The following TGFBR3 variants were observed in gnomAD, a reference collection of about 807,000 sequenced individuals.
The protein encoded by TGFBR3 is transforming growth factor beta receptor 3, also known as transforming growth factor beta receptor type 3.
Under a neutral mutation model 87.9 loss-of-function variants are expected in TGFBR3, and 46 were observed. The ratio of observed to expected loss-of-function variants is 0.52; its 90% CI spans 0.41 to 0.67. TGFBR3 has a LOEUF of 0.67. TGFBR3 is among the 30% of genes least tolerant of loss of function. The pLI is 0.00. For missense variants in TGFBR3, 866 were observed against 1,041.9 expected (o/e 0.83, Z 2.32); for synonymous variants, 381 against 391.6 (o/e 0.97, Z 0.32).
chr1:91,823,355 C>T (rs1056921358), intron 2 of TGFBR3, among the ~76,000 whole-genome samples: 2 of 152,120 alleles, frequency 1.3e-5, no homozygotes, highest in African/African-American at 4.8e-5. Context: ...TACAACTCAG[C>T]AATTACAGTC....
At chr1:91,840,002 A>T (rs1677207722) in intron 2 of TGFBR3, among the ~76,000 whole-genome samples, 1 of 152,056 alleles carries the variant, frequency 6.6e-6, no homozygotes, top group African/African-American at 2.4e-5. Flanking sequence ...TCTCAAAATA[A>T]AAAGTTTTTA....
intron 4 of TGFBR3, among the ~76,000 whole-genome samples, chr1:91,758,253 G>T (rs1302453572): frequency 1.3e-5 from 2 of 151,992 alleles, no homozygotes; most frequent in African/African-American, 4.8e-5. Flanking sequence ...TTCATTTTGT[G>T]GTCAGGGACC....
intron 16 of TGFBR3, among the ~76,000 whole-genome samples, chr1:91,684,947 C>T (rs573722893): frequency 5.3e-5 from 8 of 152,250 alleles, no homozygotes; most frequent in East Asian, 1.9e-4. Flanking sequence ...ATCTATCAGC[C>T]GGAGATAAGC....
Position 91,734,638 on chromosome 1 carries a change from G to A in TGFBR3, c.568+138C>T, listed in dbSNP as rs1021906600. 2.7e-6 allele frequency: 3 copies of A among 1,093,636 alleles called. No individual in the cohort carries two copies. In the African/African-American group the frequency reaches 4.7e-5, roughly 17 times the overall value. 67.7% of individuals were successfully genotyped at this position (1,093,636 alleles called of 1,614,324 possible). A position where few individuals can be genotyped will look rare whatever the true frequency, so the allele number is the denominator to read the frequency against. On this transcript the variant is annotated intron_variant, in intron 5 of 16. Coordinates refer to ENST00000212355, the MANE Select transcript of TGFBR3 (RefSeq NM_003243.5). ...TATGGGGGGCGGTGGAGAGGCCTGG[G>A]GCCAAATGACCCCTCAGGTCCCTTC... is the stretch of plus-strand genomic sequence containing the variant.
intron 4 of TGFBR3, among the ~76,000 whole-genome samples, chr1:91,757,325 T>C (rs1162058698): frequency 1.9e-4 from 29 of 152,244 alleles, no homozygotes; most frequent in Admixed American, 6.5e-5. Context: ...CTCTCATTTA[T>C]AGGCACACAG....
chr1:91,808,481 T>C (rs540206505), intron 2 of TGFBR3, among the ~76,000 whole-genome samples: 1 of 152,318 alleles, frequency 6.6e-6, no homozygotes, highest in South Asian at 2.1e-4. Flanking sequence ...TGTTTTGTTT[T>C]TGGAGACACA....
chr1:91,856,686 A>C (rs1415431090), intron 2 of TGFBR3, among the ~76,000 whole-genome samples: 1 of 152,210 alleles, frequency 6.6e-6, no homozygotes, highest in South Asian at 2.1e-4. Context: ...ACTTTGGTTA[A>C]GTCAGAATAT....
chr1:91,754,792 T>C (rs1197339820), intron 4 of TGFBR3, among the ~76,000 whole-genome samples: 2 of 152,194 alleles, frequency 1.3e-5, no homozygotes, highest in Non-Finnish European at 2.9e-5. Flanking sequence ...TTTTTTAATT[T>C]GGGCAGTCAT....
At chr1:91,713,191 C>G (rs913027645) in intron 12 of TGFBR3, among the ~76,000 whole-genome samples, 11 of 152,194 alleles carry the variant, frequency 7.2e-5, no homozygotes, top group African/African-American at 2.7e-4. Context: ...AAGTACTCCC[C>G]CTTCGCTCCA....
At chr1:91,703,201 C>G (rs4650271) in intron 14 of TGFBR3, among the ~76,000 whole-genome samples, 2 of 151,962 alleles carry the variant, frequency 1.3e-5, no homozygotes, top group South Asian at 4.1e-4. Context: ...GACCTCAGCT[C>G]GAGGACAAAA....
chr1:91,797,161 T>G, intron 3 of TGFBR3, 126 bp downstream of exon 3: 1 of 1,056,104 alleles, frequency 9.5e-7, no homozygotes, highest in Non-Finnish European at 1.5e-6. Context: ...ATTTTAAATC[T>G]GTTCTCTTAT....
rs1216988780 is a variant in TGFBR3 at position 91,716,829 on chromosome 1, CA to C, written c.1567-122del. The C allele has an allele frequency of 7.1e-6, 9 of 1,263,010 alleles. No individual in the cohort carries two copies. The African/African-American group carries it at 1.0e-4, about 15-fold the overall frequency. The allele number at this position is 1,263,010 out of a possible 1,614,324, so 78.2% of individuals were successfully genotyped here. A position where few individuals can be genotyped will look rare whatever the true frequency, so the allele number is the denominator to read the frequency against. ...GCAAATTGAAAATCTGACTTTAAGA[CA>C]AAATAATAAAATAACATCCAGGCTT... On this transcript the variant is annotated intron_variant, in intron 10 of 16. Coordinates refer to ENST00000212355, the MANE Select transcript of TGFBR3 (RefSeq NM_003243.5).
chr1:91,774,884 G>A (rs1674515740), intron 3 of TGFBR3, among the ~76,000 whole-genome samples: 1 of 152,124 alleles, frequency 6.6e-6, no homozygotes, highest in Non-Finnish European at 1.5e-5. Flanking sequence ...CTTGGTTACT[G>A]TAAGATCACT....
Position 91,775,288 on chromosome 1 carries a change from G to A in TGFBR3, c.247-16538C>T, listed in dbSNP as rs945121722. ...ATGCCAAGAAACAACTTCTTACTCCGCAGGGCCCCACGTGATCCAACCCTC... is the reference window on the plus strand; with the variant it reads ...ATGCCAAGAAACAACTTCTTACTCCACAGGGCCCCACGTGATCCAACCCTC... On this transcript the variant is annotated intron_variant, in intron 3 of 16. Transcript: ENST00000212355. Among the ~76,000 whole-genome samples the A allele has an allele frequency of 7.9e-5, 12 of 151,980 alleles. No homozygotes were observed. The East Asian group carries it at 9.6e-4, about 12-fold the overall frequency.
intron 3 of TGFBR3, among the ~76,000 whole-genome samples, chr1:91,773,631 G>A (rs111314880): frequency 1.9e-3 from 294 of 152,296 alleles, no homozygotes; most frequent in African/African-American, 6.8e-3. Context: ...GCGGTGAGCC[G>A]AGATCGCGCC....
chr1:91,804,227 G>C (rs1378668236), intron 2 of TGFBR3, among the ~76,000 whole-genome samples: 2 of 152,038 alleles, frequency 1.3e-5, no homozygotes, highest in African/African-American at 2.4e-5. Flanking sequence ...GGCATTTTTG[G>C]TTGCTAAGAA....
rs1462793040 is a variant in TGFBR3 at position 91,817,265 on chromosome 1, C to CA, written c.62-19795dup. 4.6e-5 allele frequency among the ~76,000 whole-genome samples: 7 copies of CA among 152,158 alleles called. No homozygotes were observed. In the East Asian group the frequency reaches 1.2e-3, roughly 25 times the overall value. On this transcript the variant is annotated intron_variant, in intron 2 of 16. Coordinates refer to ENST00000212355, the MANE Select transcript of TGFBR3 (RefSeq NM_003243.5). ...CATAAAGAACATAACGTTCAAACGG[C>CA]ATGGAAACTGTTTTCCACGGTCCAT...
At chr1:91,857,488 C>T (rs1252075997) in intron 2 of TGFBR3, among the ~76,000 whole-genome samples, 1 of 152,222 alleles carries the variant, frequency 6.6e-6, no homozygotes, top group East Asian at 1.9e-4. Flanking sequence ...AGATCTAGAG[C>T]TTCCACATAG....
chr1:91,800,826 G>A lies in TGFBR3; in HGVS notation c.62-3355C>T, dbSNP rs143221738. On this transcript the variant is annotated intron_variant, in intron 2 of 16. Coordinates refer to ENST00000212355, the MANE Select transcript of TGFBR3 (RefSeq NM_003243.5). ...TCGGCCCAGTGCGGTGGCTCATGCC[G>A]GTAATCCCAGCACTTCAGGAGGCCG... The A allele has an allele frequency of 3.7e-3, 581 of 158,412 alleles. 5 individuals carry two copies. Among genetic ancestry groups the A allele is most frequent in the African/African-American group, 0.013 (526 of 41,640 alleles). The allele number at this position is 158,412 out of a possible 1,614,324, so 9.8% of individuals were successfully genotyped here.
Sources: gnomAD v4.1 joint callset for allele counts (sites outside exome capture counted in the v4.1 genomes callset) on GRCh38, gnomAD v4.1.1 for gene constraint, MANE v1.5 for transcripts, NCBI Gene and HGNC (gene_info 2026-07-23, HGNC 2026-07-21) for gene names.